CMYA5: variants seen among roughly 807,000 people sequenced by gnomAD.
CMYA5 encodes cardiomyopathy-associated protein 5.
Under a neutral mutation model 318.9 loss-of-function variants are expected in CMYA5, and 246 were observed. The observed-to-expected ratio is 0.77, with a 90% CI of 0.70 to 0.86. CMYA5 has a LOEUF of 0.86. CMYA5 is among the 40% of genes least tolerant of loss of function. The pLI, the probability that CMYA5 is intolerant of heterozygous loss-of-function variation, is 0.00. For synonymous variants in CMYA5, 1,641 were observed against 1,729.5 expected (o/e 0.95, Z 1.27); for missense variants, 4,589 against 4,678.2 (o/e 0.98, Z 0.56).
chr5:79,742,593 G>A (rs774803710), intron 2 of CMYA5, among the ~76,000 whole-genome samples: 1 of 152,166 alleles, frequency 6.6e-6, no homozygotes, highest in Non-Finnish European at 1.5e-5. Context: ...GCCAATGGCT[G>A]CAGTTACAGA....
At chr5:79,745,047 C>A (rs1828289173) in intron 3 of CMYA5, among the ~76,000 whole-genome samples, 175 bp from the exon 4 acceptor site, 4 of 151,776 alleles carry the variant, frequency 2.6e-5, no homozygotes, top group African/African-American at 9.7e-5. Flanking sequence ...TATTGCAAAA[C>A]TAACTGTGGG....
At chr5:79,784,499 G>A (rs1322982619) in intron 9 of CMYA5, among the ~76,000 whole-genome samples, 2 of 86,700 alleles carry the variant, frequency 2.3e-5, no homozygotes, top group Non-Finnish European at 4.4e-5. Flanking sequence ...GGGCAATGGC[G>A]GGAGCCCCTC....
rs756947678 is a variant in CMYA5 at position 79,758,810 on chromosome 5, T to C, written c.11168T>C (p.Ile3723Thr). Reference sequence around the variant, plus strand: ...CCAAATTCTGCCACCAGCACAACAATTGCAGTTTACTGGAGCATGAACAAG... The same window carrying C: ...CCAAATTCTGCCACCAGCACAACAACTGCAGTTTACTGGAGCATGAACAAG... ...QEPNSATSTT[I>T]AVYWSMNKED... Residue 3723 changes from isoleucine (I) to threonine (T), a missense_variant, in exon 7 of 13, where the codon ATT becomes ACT. Transcript: ENST00000446378. 23 of 1,600,996 alleles carry C rather than the reference T, an allele frequency of 1.4e-5. No homozygotes were observed. Among genetic ancestry groups the C allele is most frequent in the East Asian group, 4.5e-5 (2 of 44,080 alleles).
intron 9 of CMYA5, among the ~76,000 whole-genome samples, chr5:79,763,651 A>G (rs1828698604): frequency 6.6e-6 from 1 of 152,208 alleles, no homozygotes; most frequent in Non-Finnish European, 1.5e-5. Context: ...GTATATTATC[A>G]TGGAGACATA....
At chr5:79,789,784 A>T (rs1158277819) in intron 10 of CMYA5, among the ~76,000 whole-genome samples, 1 of 152,062 alleles carries the variant, frequency 6.6e-6, no homozygotes, top group African/African-American at 2.4e-5. Context: ...TGGTGTGTGT[A>T]TGTGTGGTAG....
At position 79,729,866 on chromosome 5, in the gene CMYA5, A is replaced by G. The variant is rs144913308; in HGVS notation, c.1101A>G (p.Pro367=). The G allele has an allele frequency of 2.9e-4, 474 of 1,612,660 alleles. 1 individual carries two copies. In the African/African-American group the frequency reaches 5.7e-3, roughly 19 times the overall value. The change falls in exon 2 of 13, where the codon CCA becomes CCG. Residue 367 remains proline (P), a synonymous_variant. Transcript: ENST00000446378. Reference sequence around the variant, plus strand: ...ATTCACAGTCAGTGCCACAACAGCCAGAAGATGAAGCAAAACCACATGAAG... The same window carrying G: ...ATTCACAGTCAGTGCCACAACAGCCGGAAGATGAAGCAAAACCACATGAAG... ...LRHSQSVPQQ[P]EDEAKPHEVE... is the part of the protein sequence containing the mutation.
At chr5:79,718,233 A>AT (rs1827556928) in intron 1 of CMYA5, among the ~76,000 whole-genome samples, 1 of 152,202 alleles carries the variant, frequency 6.6e-6, no homozygotes, top group African/African-American at 2.4e-5. Context: ...AGCAATGCAT[A>AT]TTTTTTTCAG....
intron 9 of CMYA5, among the ~76,000 whole-genome samples, chr5:79,768,918 C>T (rs376295779): frequency 1.3e-4 from 20 of 152,164 alleles, no homozygotes; most frequent in Non-Finnish European, 2.2e-4. Flanking sequence ...CTCCCTGTCA[C>T]TTTCAGCTAC....
At chr5:79,749,215 G>A (rs374024321) in intron 5 of CMYA5, among the ~76,000 whole-genome samples, 29 of 152,082 alleles carry the variant, frequency 1.9e-4, no homozygotes, top group African/African-American at 6.8e-4. Context: ...TTATTTTCCT[G>A]TAAAGAAAAA....
chr5:79,784,616 C>T (rs572782282), intron 9 of CMYA5, among the ~76,000 whole-genome samples: 5 of 87,204 alleles, frequency 5.7e-5, no homozygotes, highest in South Asian at 4.8e-4. Flanking sequence ...GATATAGTCT[C>T]GTGGTGCGCC....
At chr5:79,794,891 T>C (rs1182745761) in intron 12 of CMYA5, among the ~76,000 whole-genome samples, 2 of 152,160 alleles carry the variant, frequency 1.3e-5, no homozygotes, top group Admixed American at 1.3e-4. Context: ...AGAGCAATTA[T>C]GATTAATTGA....
chr5:79,730,702 C>G lies in CMYA5; in HGVS notation c.1937C>G (p.Ala646Gly), dbSNP rs1404695140. ...EEFEAYSPAAAPTSESSLSPS... is the reference protein window; with the variant it reads ...EEFEAYSPAAGPTSESSLSPS... ...TTTGAGGCTTATTCCCCAGCTGCAG[C>G]CCCTACATCTGAGAGCTCTCTCTCA... is the stretch of plus-strand genomic sequence containing the variant. The change falls in exon 2 of 13, where the codon GCC becomes GGC. Residue 646 changes from alanine (A) to glycine (G), a missense_variant. Around this residue, in one of 3 missense-constraint regions of CMYA5, gnomAD observed 2,132 missense variants for 2,131.3 expected, o/e 1.00. Transcript: ENST00000446378. 6.2e-7 allele frequency: 1 copy of G among 1,613,912 alleles called. No homozygotes were observed. Among genetic ancestry groups the G allele is most frequent in the Admixed American group, 1.7e-5 (1 of 60,018 alleles).
intron 6 of CMYA5, 30 bp downstream of exon 6, chr5:79,752,824 A>G (rs1284862015): frequency 6.7e-7 from 1 of 1,494,140 alleles, no homozygotes; most frequent in African/African-American, 1.4e-5. Flanking sequence ...AATTACCTAG[A>G]TGAAATATGG....
chr5:79,759,133 AT>A (rs1315025998), intron 7 of CMYA5, among the ~76,000 whole-genome samples: 1 of 152,232 alleles, frequency 6.6e-6, no homozygotes, highest in East Asian at 1.9e-4. Context: ...GTCAACACAA[AT>A]ATTGTAATTG....
intron 11 of CMYA5, among the ~76,000 whole-genome samples, chr5:79,791,537 A>G (rs375639133): frequency 9.5e-4 from 144 of 152,134 alleles, no homozygotes; most frequent in African/African-American, 3.4e-3. Context: ...CCTGGCCAAC[A>G]TGGTGAGACT....
intron 7 of CMYA5, among the ~76,000 whole-genome samples, chr5:79,760,477 G>A (rs1012412599): frequency 1.6e-4 from 25 of 152,282 alleles, no homozygotes; most frequent in African/African-American, 5.8e-4. Context: ...AGTTCCACAA[G>A]GTGTACAGGA....
intron 6 of CMYA5, among the ~76,000 whole-genome samples, chr5:79,755,003 TTCC>T (rs1828499884): frequency 6.6e-6 from 1 of 152,220 alleles, no homozygotes; most frequent in Non-Finnish European, 1.5e-5. Context: ...CGTGAAACTT[TTCC>T]TCCTCTTATC....
At chr5:79,795,969 G>C (rs1829267475) in intron 12 of CMYA5, among the ~76,000 whole-genome samples, 1 of 152,246 alleles carries the variant, frequency 6.6e-6, no homozygotes, top group Admixed American at 6.5e-5. Flanking sequence ...CTTCAGGCCA[G>C]AGTTGAGGTT....
chr5:79,771,913 C>G (rs544682288), intron 9 of CMYA5, among the ~76,000 whole-genome samples: 7 of 152,290 alleles, frequency 4.6e-5, no homozygotes, highest in African/African-American at 1.7e-4. Flanking sequence ...TTAGTTTTCT[C>G]TGTCCCATGA....
Sources: allele counts gnomAD v4.1 joint callset (sites outside exome capture counted in the v4.1 genomes callset), GRCh38; gene constraint gnomAD v4.1.1; regional missense constraint gnomAD v4.1.1; transcripts MANE v1.5; gene names NCBI Gene and HGNC (gene_info 2026-07-23, HGNC 2026-07-21).